SAMD12: variants seen among roughly 807,000 people sequenced by gnomAD.
SAMD12 encodes the protein sterile alpha motif domain containing 12.
A neutral mutation model predicts 15.0 loss-of-function variants in SAMD12; 9 were observed. The ratio of observed to expected loss-of-function variants is 0.60; its 90% CI spans 0.36 to 1.05. The LOEUF is 1.05. SAMD12 is among the 50% of genes least tolerant of loss of function. The pLI is 0.01. For missense variants in SAMD12, 230 were observed against 234.2 expected, an observed-to-expected ratio of 0.98 and a Z score of 0.12; for synonymous variants, 86 against 90.1, an observed-to-expected ratio of 0.96 and a Z score of 0.25.
intron 3 of SAMD12, among the ~76,000 whole-genome samples, chr8:118,412,638 G>A (rs1821469416): frequency 6.6e-6 from 1 of 152,108 alleles, no homozygotes. Flanking sequence ...TGCAGTTCCT[G>A]TCTAATTTTA....
At chr8:118,164,619 T>C in the SAMD12 span, among the ~76,000 whole-genome samples, 1 of 152,060 alleles carries the variant, frequency 6.6e-6, no homozygotes, top group Non-Finnish European at 1.5e-5. Flanking sequence ...AATGATATGG[T>C]GGGAAAGACA....
chr8:118,159,326 C>T, the SAMD12 span, among the ~76,000 whole-genome samples: 1 of 152,204 alleles, frequency 6.6e-6, no homozygotes, highest in African/African-American at 2.4e-5. Context: ...GCACCTGTGC[C>T]AGTGCCTGGA....
the SAMD12 span, among the ~76,000 whole-genome samples, chr8:118,156,175 T>C: frequency 1.3e-5 from 2 of 152,236 alleles, no homozygotes; most frequent in African/African-American, 2.4e-5. Flanking sequence ...AGAGGTGCTC[T>C]GTAGCTCAGT....
rs1819474891 is a variant in SAMD12, at chr8:118,378,046, T to C, written c.*1371A>G. The stretch of plus-strand genomic sequence containing the variant: ...TTGGCATATTTACTTGCAGTCCTTT[T>C]TTTCTGTACATATAAGAATATATGG... On this transcript the variant is annotated 3_prime_UTR_variant, in exon 4 of 4. Transcript: ENST00000314727. 1 of 152,202 alleles carries C rather than the reference T, an allele frequency of 6.6e-6. No homozygotes were observed. 9.4% of individuals were successfully genotyped at this position (152,202 alleles called of 1,614,324 possible).
intron 2 of SAMD12, among the ~76,000 whole-genome samples, chr8:118,465,744 T>C (rs183162341): frequency 1.6e-4 from 25 of 152,314 alleles, no homozygotes; most frequent in Admixed American, 1.6e-3. Context: ...GGGCAAATTC[T>C]TGACTGCCTT....
intron 1 of SAMD12, among the ~76,000 whole-genome samples, chr8:118,584,066 C>T (rs566885192): frequency 6.6e-6 from 1 of 152,306 alleles, no homozygotes; most frequent in African/African-American, 2.4e-5. Flanking sequence ...CTAGTAAATA[C>T]TTGGCATTCA....
At chr8:118,274,569 T>C (rs1269001681) in intron 4 of SAMD12, among the ~76,000 whole-genome samples, 1 of 152,194 alleles carries the variant, frequency 6.6e-6, no homozygotes, top group Non-Finnish European at 1.5e-5. Context: ...ATCCCTCCCA[T>C]GCTCTCCTCA....
chr8:118,233,966 A>G (rs1445272903), intron 4 of SAMD12, among the ~76,000 whole-genome samples: 1 of 152,198 alleles, frequency 6.6e-6, no homozygotes, highest in Non-Finnish European at 1.5e-5. Context: ...TGGTTCCCAC[A>G]GTAGAGCTGC....
chr8:118,548,655 G>C (rs1482149402), intron 2 of SAMD12, among the ~76,000 whole-genome samples: 2 of 152,234 alleles, frequency 1.3e-5, no homozygotes, highest in Non-Finnish European at 2.9e-5. Flanking sequence ...CATCTCACTA[G>C]GGAGTGCCAG....
intron 2 of SAMD12, among the ~76,000 whole-genome samples, chr8:118,552,179 A>G (rs1488168755): frequency 6.6e-6 from 1 of 152,202 alleles, no homozygotes; most frequent in Non-Finnish European, 1.5e-5. Flanking sequence ...TCATTTTATG[A>G]GGCCAGCATC....
intron 1 of SAMD12, among the ~76,000 whole-genome samples, chr8:118,581,924 G>T (rs1037179526): frequency 6.6e-6 from 1 of 151,924 alleles, no homozygotes; most frequent in African/African-American, 2.4e-5. Flanking sequence ...TCTTCCCCAG[G>T]TCTCCACTTC....
chr8:118,619,045 C>T (rs1440439615), intron 1 of SAMD12, among the ~76,000 whole-genome samples: 1 of 152,128 alleles, frequency 6.6e-6, no homozygotes, highest in Non-Finnish European at 1.5e-5. Context: ...CATGGCTTGG[C>T]CTCGTTATAC....
intron 4 of SAMD12, among the ~76,000 whole-genome samples, chr8:118,361,071 C>G (rs891376561): frequency 6.6e-5 from 10 of 152,144 alleles, no homozygotes; most frequent in Non-Finnish European, 2.9e-5. Flanking sequence ...ACAACTACCC[C>G]CTGCTCTAGC....
intron 1 of SAMD12, among the ~76,000 whole-genome samples, chr8:118,616,208 G>A (rs1280022055): frequency 3.3e-5 from 5 of 152,302 alleles, no homozygotes; most frequent in South Asian, 4.1e-4. Context: ...CTTGTCCATC[G>A]TCTCACTGCT....
chr8:118,570,877 G>A (rs1194879815), intron 2 of SAMD12, among the ~76,000 whole-genome samples: 2 of 152,102 alleles, frequency 1.3e-5, no homozygotes, highest in African/African-American at 2.4e-5. Context: ...TAAGTCTCAC[G>A]AGATCTGTTG....
In SAMD12 at chr8:118,434,401, TA is replaced by T. The variant is rs749710295; in HGVS notation, c.322+5430del. ...CATGAAGTAGACCAAGGAAACCCTT[TA>T]TACATTCAAAGCAGCTTTTAAAAAA... On this transcript the variant is annotated intron_variant, in intron 3 of 3. Transcript: ENST00000314727. Among the ~76,000 whole-genome samples the T allele has an allele frequency of 3.7e-4, 56 of 152,328 alleles. 1 individual carries two copies. The South Asian group carries it at 3.9e-3, about 11-fold the overall frequency.
the SAMD12 span, among the ~76,000 whole-genome samples, chr8:118,158,808 T>C: frequency 6.6e-6 from 1 of 152,096 alleles, no homozygotes. Flanking sequence ...GACTTACCTG[T>C]GGAGAGGAGC....
the SAMD12 span, among the ~76,000 whole-genome samples, chr8:118,162,265 C>A: frequency 6.9e-6 from 1 of 145,936 alleles, no homozygotes; most frequent in Admixed American, 7.0e-5. Context: ...TTTGCTATCT[C>A]GTGTGCCTTA....
downstream of SAMD12, chr8:118,189,411 T>C (rs1819299235): frequency 6.6e-6 from 1 of 152,212 alleles, no homozygotes; most frequent in South Asian, 2.1e-4. Context: ...AAGTTTAATG[T>C]AATTTTTTTC....
Sources: gnomAD v4.1 joint callset for allele counts (sites outside exome capture counted in the v4.1 genomes callset) on GRCh38, gnomAD v4.1.1 for gene constraint, MANE v1.5 for transcripts, NCBI Gene and HGNC (gene_info 2026-07-23, HGNC 2026-07-21) for gene names.